The following PTPN9 variants were observed in gnomAD, a reference collection of about 807,000 sequenced individuals.
The protein encoded by PTPN9 is protein tyrosine phosphatase non-receptor type 9.
PTPN9 carries 26 observed loss-of-function variants against 69.8 expected under a neutral mutation model. The observed-to-expected ratio is 0.37, with a 90% CI of 0.27 to 0.52. The LOEUF is 0.52. Among genes scored for constraint, PTPN9 ranks in the 20% least tolerant of loss-of-function variants. PTPN9 has a pLI of 0.91. For missense variants in PTPN9, 549 were observed against 740.3 expected, an observed-to-expected ratio of 0.74 and a Z score of 3.00; for synonymous variants, 274 against 272.5, an observed-to-expected ratio of 1.01 and a Z score of -0.05.
At chr15:75,502,835 A>G (rs2074781434) in intron 7 of PTPN9, among the ~76,000 whole-genome samples, 1 of 152,180 alleles carries the variant, frequency 6.6e-6, no homozygotes, top group African/African-American at 2.4e-5. Flanking sequence ...TTTAAAAAAA[A>G]CTTGCATTTC....
Position 75,533,408 on chromosome 15 carries a change from C to A in PTPN9, c.64-6147G>T, listed in dbSNP as rs140108841. Among the ~76,000 whole-genome samples the A allele has an allele frequency of 3.8e-3, 576 of 152,134 alleles. 2 individuals are homozygous for A. The highest frequency in any genetic ancestry group is 0.014 in the Middle Eastern group (4 of 294). ...CCAAGTGGCTGAGACTACATGCACA[C>A]GTCACCATGCCTGGCTAATTTTTGC... On this transcript the variant is annotated intron_variant, in intron 1 of 12. Coordinates refer to ENST00000618819, the MANE Select transcript of PTPN9 (RefSeq NM_002833.4).
intron 1 of PTPN9, among the ~76,000 whole-genome samples, chr15:75,573,631 G>A (rs573778601): frequency 2.0e-5 from 3 of 152,290 alleles, no homozygotes; most frequent in African/African-American, 7.2e-5. Context: ...AGAAGATGAT[G>A]CTGCCTGTAT....
At chr15:75,490,933 G>C (rs1471586180) in intron 7 of PTPN9, among the ~76,000 whole-genome samples, 1 of 151,874 alleles carries the variant, frequency 6.6e-6, no homozygotes, top group Non-Finnish European at 1.5e-5. Context: ...CCTAATGAGA[G>C]GTTATCTCTA....
At chr15:75,481,958 G>A (rs1398101610) in intron 8 of PTPN9, among the ~76,000 whole-genome samples, 5 of 145,632 alleles carry the variant, frequency 3.4e-5, no homozygotes, top group East Asian at 2.2e-4. Flanking sequence ...TGGGAGGTGT[G>A]CCCAACAGCT....
At chr15:75,536,105 T>C (rs1179644376) in intron 1 of PTPN9, among the ~76,000 whole-genome samples, 4 of 152,170 alleles carry the variant, frequency 2.6e-5, no homozygotes, top group Non-Finnish European at 4.4e-5. Flanking sequence ...TAAAACAATG[T>C]AATAACAAAA....
At chr15:75,544,539 A>G (rs2075023385) in intron 1 of PTPN9, among the ~76,000 whole-genome samples, 1 of 152,072 alleles carries the variant, frequency 6.6e-6, no homozygotes, top group African/African-American at 2.4e-5. Context: ...AAAAAGCAAA[A>G]CAACAACAAA....
chr15:75,554,376 T>G (rs372733415), intron 1 of PTPN9, among the ~76,000 whole-genome samples: 18 of 151,952 alleles, frequency 1.2e-4, no homozygotes, highest in African/African-American at 4.4e-4. Context: ...GTATTTTTAG[T>G]AGAGACAGGG....
Position 75,516,741 on chromosome 15 carries a change from CTTTTTTTTTTTTTT to C in PTPN9, c.528+504_528+517del, listed in dbSNP as rs34906409. ...TTTTATGACTCAGAATGTTCCTGTG[CTTTTTTTTTTTTTT>C]TTTTTTTTGAGACACAGTCTCGCTC... On this transcript the variant is annotated intron_variant, in intron 5 of 12. Transcript: ENST00000618819. Among the ~76,000 whole-genome samples the C allele has an allele frequency of 1.6e-4, 14 of 87,942 alleles. 1 individual carries two copies. The South Asian group carries it at 5.9e-3, about 37-fold the overall frequency. 57.7% of individuals were successfully genotyped at this position (87,942 alleles called of 152,430 possible).
At chr15:75,574,431 G>A in intron 1 of PTPN9, among the ~76,000 whole-genome samples, 1 of 152,126 alleles carries the variant, frequency 6.6e-6, no homozygotes, top group Middle Eastern at 3.2e-3. Context: ...TGGACCAGGT[G>A]GGAAACAAAA....
chr15:75,476,113 T>A (rs1386923583), intron 9 of PTPN9, among the ~76,000 whole-genome samples: 1 of 152,136 alleles, frequency 6.6e-6, no homozygotes, highest in Non-Finnish European at 1.5e-5. Flanking sequence ...ACCATGATCA[T>A]ACCACTCTGT....
At chr15:75,525,572 C>T (rs1311105508) in intron 2 of PTPN9, among the ~76,000 whole-genome samples, 3 of 151,300 alleles carry the variant, frequency 2.0e-5, no homozygotes, top group Non-Finnish European at 2.9e-5. Flanking sequence ...CTTTATATAC[C>T]GATAACAAAA....
intron 1 of PTPN9, among the ~76,000 whole-genome samples, chr15:75,531,325 T>C (rs2074963209): frequency 6.6e-6 from 1 of 152,070 alleles, no homozygotes; most frequent in South Asian, 2.1e-4. Flanking sequence ...GAAGAAAAGC[T>C]TTCAGAAGAT....
At chr15:75,545,677 T>A (rs2075029230) in intron 1 of PTPN9, among the ~76,000 whole-genome samples, 2 of 152,192 alleles carry the variant, frequency 1.3e-5, no homozygotes, top group African/African-American at 4.8e-5. Flanking sequence ...CGGTGGCTCA[T>A]GCCTGTAATC....
rs1197884472 is a variant in PTPN9 at position 75,464,358 on chromosome 15, TG to T, written c.*4410del. 3.3e-5 allele frequency: 5 copies of T among 151,400 alleles called. No individual in the cohort carries two copies. The highest frequency in any genetic ancestry group is 1.2e-4 in the African/African-American group (5 of 41,258). The allele number at this position is 151,400 out of a possible 1,614,324, so 9.4% of individuals were successfully genotyped here. A position where few individuals can be genotyped will look rare whatever the true frequency, so the allele number is the denominator to read the frequency against. On this transcript the variant is annotated 3_prime_UTR_variant, in exon 13 of 13. Coordinates refer to ENST00000618819, the MANE Select transcript of PTPN9 (RefSeq NM_002833.4). ...TTGAGACTGCAGTGAGCCATGATCA[TG>T]CCACTCCCCTCTAACCTAGGCAACA... is the stretch of plus-strand genomic sequence containing the variant.
Position 75,497,636 on chromosome 15 carries a change from A to G in PTPN9, c.969-7335T>C, listed in dbSNP as rs1369648394. On this transcript the variant is annotated intron_variant, in intron 7 of 12. Transcript: ENST00000618819. The stretch of plus-strand genomic sequence containing the variant: ...ACCAACATGGCGAAACCCCGTCTCT[A>G]TGAAAAATACAAAAAATTAGCTGGG... Among the ~76,000 whole-genome samples, 4 of 152,014 alleles carry G rather than the reference A, an allele frequency of 2.6e-5. No individual in the cohort carries two copies. In the East Asian group the frequency reaches 7.7e-4, roughly 29 times the overall value.
chr15:75,556,058 A>G (rs928199995), intron 1 of PTPN9, among the ~76,000 whole-genome samples: 57 of 150,462 alleles, frequency 3.8e-4, no homozygotes, highest in African/African-American at 5.6e-4. Context: ...AAAAAAAAAA[A>G]AGAGAGAGAG....
At chr15:75,575,522 T>A (rs538881814) in intron 1 of PTPN9, among the ~76,000 whole-genome samples, 1 of 152,210 alleles carries the variant, frequency 6.6e-6, no homozygotes. Context: ...GTTTGAGCAA[T>A]AGGGCAGCAT....
intron 6 of PTPN9, among the ~76,000 whole-genome samples, chr15:75,507,898 C>T (rs2074827796): frequency 6.6e-6 from 1 of 151,812 alleles, no homozygotes; most frequent in African/African-American, 2.4e-5. Flanking sequence ...CAAAAATTAG[C>T]TGGGTGTGGT....
At chr15:75,503,614 CG>C (rs2074789997) in intron 7 of PTPN9, among the ~76,000 whole-genome samples, 1 of 142,060 alleles carries the variant, frequency 7.0e-6, no homozygotes, top group African/African-American at 2.6e-5. Flanking sequence ...GCCCCCCGCC[CG>C]GCCAGCCGCC....
Sources: allele counts gnomAD v4.1 joint callset (sites outside exome capture counted in the v4.1 genomes callset), GRCh38; gene constraint gnomAD v4.1.1; transcripts MANE v1.5; gene names NCBI Gene and HGNC (gene_info 2026-07-23, HGNC 2026-07-21).